Variants in SNTG2 observed in about 807,000 individuals in gnomAD.
The protein encoded by SNTG2 is syntrophin gamma 2, also known as gamma-2-syntrophin.
A neutral mutation model predicts 70.9 loss-of-function variants in SNTG2; 74 were observed. The ratio of observed to expected loss-of-function variants is 1.04; its 90% confidence interval spans 0.86 to 1.27. The LOEUF is 1.27. SNTG2 is among the 50% of genes most tolerant of loss of function. The probability of loss-of-function intolerance (pLI) is 0.00; values close to 1 mark genes in which losing one functional copy is unlikely to be tolerated. For missense variants in SNTG2, 717 were observed against 690.7 expected, an observed-to-expected ratio of 1.04 and a Z score of -0.43; for synonymous variants, 278 against 273.8, an observed-to-expected ratio of 1.02 and a Z score of -0.15.
chr2:1,234,874 C>A (rs1458592318), intron 9 of SNTG2, among the ~76,000 whole-genome samples: 1 of 152,228 alleles, frequency 6.6e-6, no homozygotes, highest in African/African-American at 2.4e-5. Context: ...TTCCTTCTCA[C>A]CACTGACTTT....
intron 7 of SNTG2, among the ~76,000 whole-genome samples, chr2:1,165,854 CGTGCTTCTCGACT>C (rs891600357): frequency 5.9e-5 from 9 of 152,256 alleles, no homozygotes; most frequent in Admixed American, 1.3e-4. Context: ...GTTATCAGAC[CGTGCTTCTCGACT>C]GTGCTTCTCG....
chr2:1,287,734 G>A (rs892195263), intron 14 of SNTG2, among the ~76,000 whole-genome samples: 2 of 152,228 alleles, frequency 1.3e-5, no homozygotes, highest in African/African-American at 4.8e-5. Context: ...CTGACAGCGT[G>A]ACCTGTTGTT....
At chr2:1,167,080 C>T (rs991428115) in intron 7 of SNTG2, among the ~76,000 whole-genome samples, 3 of 152,260 alleles carry the variant, frequency 2.0e-5, no homozygotes, top group African/African-American at 7.2e-5. Context: ...ATACAGAAAG[C>T]CTTCTGTCCT....
Position 1,267,345 on chromosome 2 carries a change from ATCCATGC to A in SNTG2, c.1078-17_1078-11del. 1 of 1,576,880 alleles carries A rather than the reference ATCCATGC, an allele frequency of 6.3e-7. No homozygotes were observed. On this transcript the variant is annotated splice_polypyrimidine_tract_variant and intron_variant, in intron 13 of 16. Coordinates refer to ENST00000308624, the MANE Select transcript of SNTG2 (RefSeq NM_018968.4). ...GACCTTCCAGCGCTGCACGTTTCCAATCCATGCTCTGTTTTTCAGTTCTGGCTCACAG... is the reference window on the plus strand; with the variant it reads ...GACCTTCCAGCGCTGCACGTTTCCAATCTGTTTTTCAGTTCTGGCTCACAG...
At chr2:1,035,007 C>G (rs182476110) in intron 1 of SNTG2, among the ~76,000 whole-genome samples, 417 of 152,228 alleles carry the variant, frequency 2.7e-3, no homozygotes, top group Non-Finnish European at 3.6e-3. Context: ...GAAATCACAC[C>G]AATCACTCTC....
At chr2:1,085,383 A>C (rs567506095) in intron 2 of SNTG2, among the ~76,000 whole-genome samples, 1 of 152,246 alleles carries the variant, frequency 6.6e-6, no homozygotes, top group Non-Finnish European at 1.5e-5. Context: ...GGTGAAAATG[A>C]AAGACTCCTT....
At chr2:1,275,679 A>C (rs1256630714) in intron 14 of SNTG2, among the ~76,000 whole-genome samples, 1 of 152,148 alleles carries the variant, frequency 6.6e-6, no homozygotes, top group East Asian at 1.9e-4. Context: ...CAACCCTGGA[A>C]TGGCCTTGAA....
Position 1,182,469 on chromosome 2 carries a change from G to A in SNTG2, c.591+9286G>A, listed in dbSNP as rs6734419. On this transcript the variant is annotated intron_variant, in intron 8 of 16. Transcript: ENST00000308624. ...TCTCAAAACAAAAATTACAAAAGGC[G>A]TAATAGAACAGATGAGAAACTTGTA... 9.2e-3 allele frequency among the ~76,000 whole-genome samples: 1,400 copies of A among 151,716 alleles called. 18 individuals carry two copies. Among genetic ancestry groups the A allele is most frequent in the African/African-American group, 0.031 (1,278 of 41,400 alleles).
At chr2:1,004,466 T>G (rs914752679) in intron 1 of SNTG2, among the ~76,000 whole-genome samples, 14 of 152,288 alleles carry the variant, frequency 9.2e-5, no homozygotes, top group Admixed American at 7.2e-4. Flanking sequence ...GAACTAAAAC[T>G]CAACTACAAA....
chr2:1,124,043 A>C (rs1363857787), intron 4 of SNTG2, among the ~76,000 whole-genome samples: 1 of 146,704 alleles, frequency 6.8e-6, no homozygotes, highest in African/African-American at 2.6e-5. Flanking sequence ...AATTTTTTTT[A>C]AGTTCTATTG....
At chr2:1,017,379 A>C (rs1017839292) in intron 1 of SNTG2, among the ~76,000 whole-genome samples, 1 of 152,240 alleles carries the variant, frequency 6.6e-6, no homozygotes, top group Non-Finnish European at 1.5e-5. Flanking sequence ...AGACACACGT[A>C]TACACACATA....
chr2:1,153,270 T>A (rs1025854802), intron 6 of SNTG2, among the ~76,000 whole-genome samples: 2 of 152,244 alleles, frequency 1.3e-5, no homozygotes, highest in South Asian at 2.1e-4. Flanking sequence ...TCCATTTTTT[T>A]ATTATACTTT....
At chr2:1,327,215 T>C (rs1306122706) in intron 16 of SNTG2, among the ~76,000 whole-genome samples, 1 of 152,108 alleles carries the variant, frequency 6.6e-6, no homozygotes, top group Non-Finnish European at 1.5e-5. Flanking sequence ...TGAATACACA[T>C]TTTATAATCT....
At chr2:960,534 C>T (rs551547635) in intron 1 of SNTG2, among the ~76,000 whole-genome samples, 11 of 152,278 alleles carry the variant, frequency 7.2e-5, no homozygotes, top group South Asian at 6.2e-4. Context: ...GCTGGGAGCA[C>T]GGTGAGCTCT....
chr2:1,337,951 T>TA (rs1282914965), intron 16 of SNTG2, among the ~76,000 whole-genome samples: 1 of 152,192 alleles, frequency 6.6e-6, no homozygotes, highest in Non-Finnish European at 1.5e-5. Flanking sequence ...ACCAGTTGAT[T>TA]AAAAAACTGC....
chr2:1,185,735 C>T (rs1475375484), intron 8 of SNTG2, among the ~76,000 whole-genome samples: 1 of 152,140 alleles, frequency 6.6e-6, no homozygotes, highest in Non-Finnish European at 1.5e-5. Flanking sequence ...CGGGCCTGGC[C>T]CAGGAAATCA....
At chr2:1,207,777 G>C (rs550293856) in intron 8 of SNTG2, among the ~76,000 whole-genome samples, 23 of 152,294 alleles carry the variant, frequency 1.5e-4, no homozygotes, top group Admixed American at 5.2e-4. Context: ...ACCAACCAGA[G>C]CCAGTTCAGC....
At chr2:1,113,259 A>T (rs1480272717) in intron 4 of SNTG2, among the ~76,000 whole-genome samples, 2 of 151,898 alleles carry the variant, frequency 1.3e-5, no homozygotes, top group Non-Finnish European at 1.5e-5. Context: ...GTACTAAGTG[A>T]GGTTTAACCC....
chr2:1,346,934 A>G (rs1660319220), intron 16 of SNTG2, among the ~76,000 whole-genome samples: 1 of 152,094 alleles, frequency 6.6e-6, no homozygotes, highest in African/African-American at 2.4e-5. Context: ...AGTTAAGATG[A>G]AGTCATCTGC....
Sources: gnomAD v4.1 joint callset for allele counts (sites outside exome capture counted in the v4.1 genomes callset) on GRCh38, gnomAD v4.1.1 for gene constraint, MANE v1.5 for transcripts, NCBI Gene and HGNC (gene_info 2026-07-23, HGNC 2026-07-21) for gene names.